Variants in FAM107B observed in about 807,000 individuals in gnomAD.
FAM107B encodes protein FAM107B.
In FAM107B, 21 loss-of-function variants were observed where a neutral mutation model predicts 31.5. That is an observed-to-expected ratio of 0.67 (90% CI 0.47 to 0.96). The LOEUF is 0.96. FAM107B is among the 40% of genes least tolerant of loss of function. The pLI is 0.00. For synonymous variants in FAM107B, 157 were observed against 141.5 expected, an observed-to-expected ratio of 1.11 and a Z score of -0.78; for missense variants, 452 against 377.1, an observed-to-expected ratio of 1.20 and a Z score of -1.64.
chr10:14,728,528 T>C (rs935523851), intron 1 of FAM107B, among the ~76,000 whole-genome samples: 2 of 152,182 alleles, frequency 1.3e-5, no homozygotes, highest in African/African-American at 4.8e-5. Flanking sequence ...GTAATTTTTG[T>C]GGGTTATCCA....
chr10:14,612,829 C>G (rs1425702279), intron 2 of FAM107B, among the ~76,000 whole-genome samples: 1 of 152,170 alleles, frequency 6.6e-6, no homozygotes, highest in African/African-American at 2.4e-5. Flanking sequence ...GGAGACATAA[C>G]TGTAGATACC....
chr10:14,682,305 G>C (rs1448843108), intron 1 of FAM107B, among the ~76,000 whole-genome samples: 1 of 152,144 alleles, frequency 6.6e-6, no homozygotes, highest in Non-Finnish European at 1.5e-5. Flanking sequence ...GAGGTGGGTG[G>C]ATCATCTGAG....
chr10:14,703,620 C>A (rs1193383515), intron 1 of FAM107B, among the ~76,000 whole-genome samples: 1 of 152,174 alleles, frequency 6.6e-6, no homozygotes, highest in Admixed American at 6.5e-5. Flanking sequence ...CAGGCGTGAG[C>A]CACTGCGCCC....
At chr10:14,671,268 C>G (rs1854534088) in intron 1 of FAM107B, among the ~76,000 whole-genome samples, 2 of 152,182 alleles carry the variant, frequency 1.3e-5, no homozygotes, top group Admixed American at 6.5e-5. Context: ...AGACAGAGTT[C>G]TTTGTCCCAT....
chr10:14,597,492 GAAT>G (rs1852226594), intron 2 of FAM107B, among the ~76,000 whole-genome samples: 1 of 152,138 alleles, frequency 6.6e-6, no homozygotes, highest in South Asian at 2.1e-4. Context: ...TCCAAGAATG[GAAT>G]AAAACAGGCT....
At chr10:14,664,910 T>C (rs917268268) in intron 2 of FAM107B, among the ~76,000 whole-genome samples, 11 of 152,316 alleles carry the variant, frequency 7.2e-5, no homozygotes, top group Admixed American at 2.6e-4. Flanking sequence ...TAGAATGAAC[T>C]ACAACTAGAA....
rs943499395 is a variant in FAM107B, at chr10:14,553,337, A to G, written c.470-22822T>C. On this transcript the variant is annotated intron_variant, in intron 2 of 4. Coordinates refer to ENST00000181796, the MANE Select transcript of FAM107B (RefSeq NM_031453.4). ...CCACACTTACTAAAATACTTTGTAA[A>G]GCAGTTCCAACAGTTTCTCTATCCA... 6 of 1,272,386 alleles carry G rather than the reference A, an allele frequency of 4.7e-6. No homozygotes were observed. In the African/African-American group the frequency reaches 9.3e-5, roughly 20 times the overall value. 78.8% of individuals were successfully genotyped at this position (1,272,386 alleles called of 1,614,324 possible).
At chr10:14,601,628 T>C (rs17155563) in intron 2 of FAM107B, among the ~76,000 whole-genome samples, 5,827 of 152,128 alleles carry the variant, frequency 0.038, 366 homozygotes, top group African/African-American at 0.13. Context: ...TTCTCTAGGC[T>C]GAAAGAAGAG....
intron 1 of FAM107B, among the ~76,000 whole-genome samples, chr10:14,671,410 C>G (rs976554700): frequency 5.3e-5 from 8 of 152,114 alleles, no homozygotes; most frequent in Non-Finnish European, 1.0e-4. Flanking sequence ...GTCAGAGTCC[C>G]TGCTACAACC....
chr10:14,613,029 C>A (rs949350657), intron 2 of FAM107B, among the ~76,000 whole-genome samples: 1 of 151,932 alleles, frequency 6.6e-6, no homozygotes, highest in Non-Finnish European at 1.5e-5. Context: ...TAGAGTGCAG[C>A]GGCGCAATCT....
intron 3 of FAM107B, among the ~76,000 whole-genome samples, chr10:14,528,584 G>A (rs1846590994): frequency 2.0e-5 from 3 of 152,154 alleles, no homozygotes; most frequent in Admixed American, 2.0e-4. Context: ...GGTAGGTAAA[G>A]TTAAGTTCTG....
At chr10:14,764,785 G>C (rs901608505) in intron 1 of FAM107B, among the ~76,000 whole-genome samples, 1 of 152,174 alleles carries the variant, frequency 6.6e-6, no homozygotes, top group African/African-American at 2.4e-5. Context: ...AACATACCCA[G>C]TGAGTGGAAT....
At chr10:14,769,558 G>A (rs1833254431) in intron 1 of FAM107B, among the ~76,000 whole-genome samples, 1 of 152,002 alleles carries the variant, frequency 6.6e-6, no homozygotes. Flanking sequence ...CTAATTTTTT[G>A]TATTTTTAGT....
At chr10:14,667,569 G>C (rs928125518) in intron 2 of FAM107B, 65 bp downstream of exon 2, 1 of 1,542,960 alleles carries the variant, frequency 6.5e-7, no homozygotes, top group African/African-American at 1.4e-5. Context: ...AAAGCCTTAG[G>C]ATGCTCCAAG....
At chr10:14,607,533 T>C (rs142055688) in intron 2 of FAM107B, among the ~76,000 whole-genome samples, 29 of 152,334 alleles carry the variant, frequency 1.9e-4, no homozygotes, top group African/African-American at 7.0e-4. Context: ...CTGTGGGTGA[T>C]AGATGCTTGT....
chr10:14,707,777 T>A (rs1235768874), intron 1 of FAM107B, among the ~76,000 whole-genome samples: 1 of 152,194 alleles, frequency 6.6e-6, no homozygotes, highest in African/African-American at 2.4e-5. Flanking sequence ...GGCTCCCAAC[T>A]CCCACTTCAT....
chr10:14,597,742 G>A (rs1477907002), intron 2 of FAM107B, among the ~76,000 whole-genome samples: 1 of 152,150 alleles, frequency 6.6e-6, no homozygotes, highest in African/African-American at 2.4e-5. Flanking sequence ...TTGAGGTCAG[G>A]AGTTCAAGAC....
At chr10:14,625,121 A>G (rs369550288) in intron 2 of FAM107B, among the ~76,000 whole-genome samples, 1 of 151,492 alleles carries the variant, frequency 6.6e-6, no homozygotes, top group Non-Finnish European at 1.5e-5. Flanking sequence ...GCTACTTGGG[A>G]GGCTGAGGCA....
intron 1 of FAM107B, among the ~76,000 whole-genome samples, chr10:14,711,348 C>T (rs1855642308): frequency 6.6e-6 from 1 of 152,232 alleles, no homozygotes; most frequent in Non-Finnish European, 1.5e-5. Context: ...TCCAGTCCTG[C>T]AAGCTCCATT....
Sources: allele counts gnomAD v4.1 joint callset (sites outside exome capture counted in the v4.1 genomes callset), GRCh38; gene constraint gnomAD v4.1.1; transcripts MANE v1.5; gene names NCBI Gene and HGNC (gene_info 2026-07-23, HGNC 2026-07-21).